Variants in SIPA1L3 observed in about 807,000 individuals in gnomAD.
The protein encoded by SIPA1L3 is signal induced proliferation associated 1 like 3, also known as signal-induced proliferation-associated 1-like protein 3.
Under a neutral mutation model 150.1 loss-of-function variants are expected in SIPA1L3, and 59 were observed. That is an observed-to-expected ratio of 0.39 (90% CI 0.32 to 0.49). The LOEUF is 0.49. Among genes scored for constraint, SIPA1L3 ranks in the 20% least tolerant of loss-of-function variants. The probability of loss-of-function intolerance (pLI) is 0.86; values close to 1 mark genes in which losing one functional copy is unlikely to be tolerated. For synonymous variants in SIPA1L3, 1,070 were observed against 1,077.6 expected (o/e 0.99, Z 0.14); for missense variants, 2,211 against 2,489.5 (o/e 0.89, Z 2.38).
intron 1 of SIPA1L3, among the ~76,000 whole-genome samples, chr19:37,930,781 T>C (rs1470725468): frequency 6.6e-6 from 1 of 152,120 alleles, no homozygotes; most frequent in Non-Finnish European, 1.5e-5. Flanking sequence ...TCCTAGGTTG[T>C]TGGGAGGATT....
At chr19:37,921,016 C>T (rs561503903) in intron 1 of SIPA1L3, among the ~76,000 whole-genome samples, 7 of 152,342 alleles carry the variant, frequency 4.6e-5, no homozygotes, top group East Asian at 1.9e-4. Context: ...TTCTGACACC[C>T]GGCCTTCCTC....
In SIPA1L3 at chr19:37,928,512, T is replaced by C. The variant is rs1313391542; in HGVS notation, c.-379+21154T>C. Among the ~76,000 whole-genome samples, 5 of 151,954 alleles carry C rather than the reference T, an allele frequency of 3.3e-5. No homozygotes were observed. The East Asian group carries it at 9.7e-4, about 29-fold the overall frequency. ...CTTGAACCTGGGAGGCTCTGAGAGG[T>C]TGCAGTGAGCCAAGATCATGCCACT... On this transcript the variant is annotated intron_variant, in intron 1 of 21. Transcript: ENST00000222345.
intron 2 of SIPA1L3, among the ~76,000 whole-genome samples, chr19:38,065,309 T>C (rs1030466518): frequency 2.4e-4 from 37 of 151,972 alleles, no homozygotes; most frequent in African/African-American, 8.7e-4. Flanking sequence ...TAGAGAGCTC[T>C]AACTGTGCAG....
At chr19:37,937,741 C>CAAA (rs34881450) in intron 1 of SIPA1L3, among the ~76,000 whole-genome samples, 228 of 18,670 alleles carry the variant, frequency 0.012, 43 homozygotes, top group South Asian at 0.042. Flanking sequence ...AACCCTGTCT[C>CAAA]AAAAAAAAAA....
intron 15 of SIPA1L3, among the ~76,000 whole-genome samples, chr19:38,179,841 A>C (rs138040747): frequency 2.8e-4 from 43 of 151,942 alleles, no homozygotes; most frequent in Non-Finnish European, 5.3e-4. Context: ...CAGCCTGAGG[A>C]CTTTTTTTTT....
At chr19:38,203,560 G>C (rs112317772) in intron 20 of SIPA1L3, 1 of 152,624 alleles carries the variant, frequency 6.6e-6, no homozygotes, top group Non-Finnish European at 1.5e-5. Context: ...GCACCAGCAC[G>C]TGGTAGCCAT....
chr19:37,908,248 T>C (rs543734731), intron 1 of SIPA1L3, among the ~76,000 whole-genome samples: 1 of 152,320 alleles, frequency 6.6e-6, no homozygotes, highest in Admixed American at 6.5e-5. Context: ...CCCTTCCTAC[T>C]ACCTCAGGTT....
chr19:38,070,191 C>CCTATCTATCTAACTAT (rs1969684528), intron 2 of SIPA1L3, among the ~76,000 whole-genome samples: 1 of 148,728 alleles, frequency 6.7e-6, no homozygotes. Flanking sequence ...GATCTTCAGT[C>CCTATCTATCTAACTAT]CTATCTATCT....
chr19:37,930,973 T>G (rs1223821580), intron 1 of SIPA1L3, among the ~76,000 whole-genome samples: 1 of 152,230 alleles, frequency 6.6e-6, no homozygotes, highest in Non-Finnish European at 1.5e-5. Flanking sequence ...TGTTTACTAC[T>G]GTGTCCCAGT....
At chr19:37,940,366 C>T (rs1453659235) in intron 1 of SIPA1L3, among the ~76,000 whole-genome samples, 1 of 151,842 alleles carries the variant, frequency 6.6e-6, no homozygotes, top group Non-Finnish European at 1.5e-5. Flanking sequence ...CTTCTATATC[C>T]ACCACCACCC....
chr19:38,062,713 C>T lies in SIPA1L3; in HGVS notation c.-310-18543C>T, dbSNP rs777099374. Among the ~76,000 whole-genome samples the T allele has an allele frequency of 5.3e-5, 8 of 152,072 alleles. No homozygotes were observed. In the East Asian group the frequency reaches 5.8e-4, roughly 11 times the overall value. On this transcript the variant is annotated intron_variant, in intron 2 of 21. Coordinates refer to ENST00000222345, the MANE Select transcript of SIPA1L3 (RefSeq NM_015073.3). ...TCAGCGCACTGTAACTGCTGCCTCA[C>T]GGGCTCAAGCGGTTCTCCTGCCTCA...
intron 1 of SIPA1L3, among the ~76,000 whole-genome samples, chr19:38,012,620 C>T (rs920457864): frequency 1.3e-5 from 2 of 151,968 alleles, no homozygotes; most frequent in African/African-American, 4.8e-5. Flanking sequence ...TCCTCCATCC[C>T]CCGTCTTCTC....
intron 18 of SIPA1L3, among the ~76,000 whole-genome samples, chr19:38,195,958 T>A (rs1972918900): frequency 6.6e-6 from 1 of 152,066 alleles, no homozygotes; most frequent in Non-Finnish European, 1.5e-5. Flanking sequence ...GTCACTGCTG[T>A]GACCCCAGCT....
At chr19:38,205,442 A>G (rs1973188152) in intron 21 of SIPA1L3, among the ~76,000 whole-genome samples, 2 of 145,010 alleles carry the variant, frequency 1.4e-5, no homozygotes, top group South Asian at 4.3e-4. Flanking sequence ...GGGCGACAAG[A>G]GCAAAACCCA....
intron 6 of SIPA1L3, among the ~76,000 whole-genome samples, chr19:38,104,268 G>C (rs1417905441): frequency 1.3e-5 from 2 of 152,252 alleles, no homozygotes; most frequent in Non-Finnish European, 2.9e-5. Context: ...GGAGGCTGTA[G>C]GAGGAACGAG....
chr19:38,021,184 C>G (rs991753659), intron 1 of SIPA1L3, among the ~76,000 whole-genome samples: 3 of 152,132 alleles, frequency 2.0e-5, no homozygotes, highest in Non-Finnish European at 4.4e-5. Context: ...CAGCACGTGG[C>G]CCCCGGCTGC....
At chr19:38,158,477 C>T (rs1199081437) in intron 13 of SIPA1L3, among the ~76,000 whole-genome samples, 1 of 151,990 alleles carries the variant, frequency 6.6e-6, no homozygotes, top group African/African-American at 2.4e-5. Context: ...TCTTGGGCCA[C>T]GGGGAGGCGG....
chr19:38,104,718 C>T (rs537821955), intron 6 of SIPA1L3, among the ~76,000 whole-genome samples: 63 of 152,172 alleles, frequency 4.1e-4, no homozygotes, highest in Non-Finnish European at 7.1e-4. Flanking sequence ...ATTACAAGCA[C>T]GTGCCACCAG....
At chr19:38,044,562 G>C (rs1599947640) in intron 2 of SIPA1L3, among the ~76,000 whole-genome samples, 1 of 152,186 alleles carries the variant, frequency 6.6e-6, no homozygotes, top group South Asian at 2.1e-4. Flanking sequence ...AAGGGAGCAG[G>C]TTCAAGAGAG....
Sources: gnomAD v4.1 joint callset for allele counts (sites outside exome capture counted in the v4.1 genomes callset) on GRCh38, gnomAD v4.1.1 for gene constraint, MANE v1.5 for transcripts, NCBI Gene and HGNC (gene_info 2026-07-23, HGNC 2026-07-21) for gene names.